The following GPN1 variants were observed in gnomAD, a reference collection of about 807,000 sequenced individuals.
GPN1 encodes ATP(GTP)-binding protein.
In GPN1, 44 loss-of-function variants were observed where a neutral mutation model predicts 55.9. That is an observed-to-expected ratio of 0.79 (90% CI 0.62 to 1.01). The LOEUF is 1.01. GPN1 is among the 50% of genes least tolerant of loss of function. The pLI is 0.00. For synonymous variants in GPN1, 179 were observed against 162.5 expected (o/e 1.10, Z -0.77); for missense variants, 466 against 462.8 (o/e 1.01, Z -0.06).
intron 7 of GPN1, among the ~76,000 whole-genome samples, chr2:27,637,829 A>C (rs991479608): frequency 1.3e-5 from 2 of 152,228 alleles, no homozygotes; most frequent in African/African-American, 4.8e-5. Flanking sequence ...ACCAATAAGT[A>C]TTTACAAATA....
In GPN1 at chr2:27,640,059, C is replaced by A; in HGVS notation, c.734C>A (p.Ala245Asp). ...TTTTGGCAGGTGGTGGGTGTCTCTGCTGTTCTGGGTACTGGATTAGATGAA... is the reference window on the plus strand; with the variant it reads ...TTTTGGCAGGTGGTGGGTGTCTCTGATGTTCTGGGTACTGGATTAGATGAA... ...YSSLRVVGVSAVLGTGLDELF... is the reference protein window; with the variant it reads ...YSSLRVVGVSDVLGTGLDELF... The change falls in exon 10 of 14, where the codon GCT becomes GAT. Residue 245 changes from alanine (A) to aspartate (D), a missense_variant. By Grantham distance (126) the Ala-to-Asp change is moderately radical (BLOSUM62 -2). Transcript: ENST00000610189. 6.2e-7 allele frequency: 1 copy of A among 1,610,928 alleles called. No homozygotes were observed.
At chr2:27,629,350 A>G in intron 1 of GPN1, 181 bp downstream of exon 1, 3 of 1,540,244 alleles carry the variant, frequency 1.9e-6, no homozygotes, top group Non-Finnish European at 2.6e-6. Context: ...CAGGTTAATT[A>G]AGGCTCTCTT....
intron 12 of GPN1, among the ~76,000 whole-genome samples, chr2:27,645,272 ATTT>A (rs547090620): frequency 6.7e-6 from 1 of 148,374 alleles, no homozygotes; most frequent in Non-Finnish European, 1.5e-5. Flanking sequence ...TCCCCAGCCC[ATTT>A]TTTTTTTCTT....
chr2:27,639,669 G>GCTA (rs1306319884), intron 9 of GPN1, among the ~76,000 whole-genome samples: 2 of 152,108 alleles, frequency 1.3e-5, no homozygotes, highest in Middle Eastern at 3.4e-3. Context: ...ATAGGCGTGT[G>GCTA]CGGTATACCA....
intron 12 of GPN1, among the ~76,000 whole-genome samples, chr2:27,645,171 A>C (rs1283313623): frequency 1.3e-5 from 2 of 151,910 alleles, no homozygotes; most frequent in Admixed American, 1.3e-4. Context: ...AGGTCTCACC[A>C]TGTTGCCCAG....
intron 12 of GPN1, among the ~76,000 whole-genome samples, chr2:27,644,170 C>T (rs1674102711): frequency 6.6e-6 from 1 of 152,026 alleles, no homozygotes; most frequent in Admixed American, 6.6e-5. Flanking sequence ...GTGAGACTCC[C>T]TCCATCTTAA....
At chr2:27,630,386 GT>G (rs202052577) in intron 2 of GPN1, among the ~76,000 whole-genome samples, 14,246 of 82,422 alleles carry the variant, frequency 0.17, 786 homozygotes, top group East Asian at 0.24. Context: ...AACAGCTTAG[GT>G]TTTTTTTTTT....
intron 13 of GPN1, among the ~76,000 whole-genome samples, chr2:27,648,229 A>C (rs892438145): frequency 1.3e-5 from 2 of 152,160 alleles, no homozygotes; most frequent in African/African-American, 4.8e-5. Context: ...TGTTTTAAGA[A>C]TATGTAAGGG....
rs188808550 is a variant in GPN1 at position 27,630,025 on chromosome 2, C to T, written c.205+73C>T. ...GGAAAAGGCCAGGCGTGGTGGCTCA[C>T]GGCTGTAATCTCAGCACTTTGGGAG... On this transcript the variant is annotated intron_variant, in intron 2 of 13. Transcript: ENST00000610189. 6.5e-5 allele frequency: 56 copies of T among 867,672 alleles called. 1 individual carries two copies. The East Asian group carries it at 1.2e-3, about 18-fold the overall frequency. 53.7% of individuals were successfully genotyped at this position (867,672 alleles called of 1,614,324 possible).
intron 12 of GPN1, among the ~76,000 whole-genome samples, chr2:27,646,140 C>T (rs558693555): frequency 4.9e-4 from 74 of 152,338 alleles, no homozygotes; most frequent in African/African-American, 1.7e-3. Flanking sequence ...CTCCCGGGTT[C>T]AAGCGATTGT....
At chr2:27,642,958 T>TACACACACACACACAC (rs1553358324) in intron 12 of GPN1, among the ~76,000 whole-genome samples, 35 of 122,654 alleles carry the variant, frequency 2.9e-4, no homozygotes, top group East Asian at 2.5e-3. Flanking sequence ...TATATATATA[T>TACACACACACACACAC]ACACACACAC....
At chr2:27,628,585 A>G (rs1572947181), upstream of GPN1, 1 of 1,551,548 alleles carries the variant, frequency 6.4e-7, no homozygotes, top group African/African-American at 1.4e-5. Context: ...GCAACCCTGG[A>G]GACTGCACCC....
chr2:27,629,445 A>G, intron 1 of GPN1: 1 of 1,529,592 alleles, frequency 6.5e-7, no homozygotes, highest in Non-Finnish European at 8.9e-7. Flanking sequence ...TCTCGGAGGC[A>G]AGTTACAAGT....
At chr2:27,632,204 G>C (rs1176254366) in intron 4 of GPN1, among the ~76,000 whole-genome samples, 8 of 152,204 alleles carry the variant, frequency 5.3e-5, no homozygotes, top group African/African-American at 1.9e-4. Context: ...GGATGGACTA[G>C]CAGTCATGGA....
rs1674458889 is a variant in GPN1 at position 27,650,187 on chromosome 2, GA to G, written c.1115del (p.Asn372ThrfsTer7). ...MQESMAQYWK[R>X]NNK is the part of the protein sequence containing the mutation. ...GAATCGATGGCACAATACTGGAAGAGAAACAATAAATAGGAGACTTTAGCAC... is the reference window on the plus strand; with the variant it reads ...GAATCGATGGCACAATACTGGAAGAGAACAATAAATAGGAGACTTTAGCAC... On this transcript the variant is annotated frameshift_variant, in exon 14 of 14. Coordinates refer to ENST00000610189, the MANE Select transcript of GPN1 (RefSeq NM_007266.4). LOFTEE classifies it high-confidence loss of function. The G allele has an allele frequency of 6.3e-7, 1 of 1,590,496 alleles. No homozygotes were observed. The highest frequency in any genetic ancestry group is 1.7e-5 in the Admixed American group (1 of 59,952).
At chr2:27,634,109 T>G (rs936657836) in intron 5 of GPN1, among the ~76,000 whole-genome samples, 5 of 152,170 alleles carry the variant, frequency 3.3e-5, no homozygotes, top group African/African-American at 1.2e-4. Flanking sequence ...GGATATAGAG[T>G]GGTATCTCAT....
Position 27,650,191 on chromosome 2 carries a change from C to T in GPN1, c.1116C>T (p.Asn372=). The change falls in exon 14 of 14, where the codon AAC becomes AAT. Residue 372 remains asparagine, a synonymous_variant. Transcript: ENST00000610189. The part of the protein sequence containing the change: ...QESMAQYWKR[N]NK ...CGATGGCACAATACTGGAAGAGAAA[C>T]AATAAATAGGAGACTTTAGCACACT... 1 of 1,581,548 alleles carries T rather than the reference C, an allele frequency of 6.3e-7. No individual in the cohort carries two copies. The highest frequency in any genetic ancestry group is 8.7e-7 in the Non-Finnish European group (1 of 1,150,578).
In GPN1 at chr2:27,638,987, C is replaced by T. The variant is rs748979771; in HGVS notation, c.673C>T (p.Arg225Cys). 34 of 1,613,234 alleles carry T rather than the reference C, an allele frequency of 2.1e-5. No individual in the cohort carries two copies. Among genetic ancestry groups the T allele is most frequent in the East Asian group, 6.7e-5 (3 of 44,870 alleles). Residue 225 changes from arginine to cysteine, a missense_variant, in exon 9 of 14, where the codon CGT (arginine) becomes TGT (cysteine). Transcript: ENST00000610189. ...GACTACATACGTCAGTAACCTGACTCGTTCAATGAGCCTGGTGTTAGATGA... is the reference window on the plus strand; with the variant it reads ...GACTACATACGTCAGTAACCTGACTTGTTCAATGAGCCTGGTGTTAGATGA... ...QETTYVSNLTRSMSLVLDEFY... is the reference protein window; with the variant it reads ...QETTYVSNLTCSMSLVLDEFY...
chr2:27,636,852 ATTAAT>A (rs1249473411), intron 7 of GPN1, among the ~76,000 whole-genome samples: 1 of 152,174 alleles, frequency 6.6e-6, no homozygotes, highest in Non-Finnish European at 1.5e-5. Flanking sequence ...AAAAAAATTA[ATTAAT>A]TTATTTTTAG....
Sources: allele counts gnomAD v4.1 joint callset (sites outside exome capture counted in the v4.1 genomes callset), GRCh38; gene constraint gnomAD v4.1.1; transcripts MANE v1.5; gene names NCBI Gene and HGNC (gene_info 2026-07-23, HGNC 2026-07-21).